Variants in VKORC1L1 observed in about 807,000 individuals in gnomAD.
VKORC1L1 encodes the protein vitamin K epoxide reductase complex subunit 1-like protein 1.
Under a neutral mutation model 18.9 loss-of-function variants are expected in VKORC1L1, and 2 were observed. The observed-to-expected ratio is 0.11, with a 90% CI of 0.04 to 0.33. The LOEUF is 0.33. Ranked by LOEUF, VKORC1L1 falls within the 10% of genes least tolerant of loss-of-function variation. VKORC1L1 has a pLI of 1.00. For synonymous variants in VKORC1L1, 96 were observed against 100.0 expected, an observed-to-expected ratio of 0.96 and a Z score of 0.24; for missense variants, 123 against 224.1, an observed-to-expected ratio of 0.55 and a Z score of 2.88.
At chr7:65,880,119 G>A (rs13246608) in intron 1 of VKORC1L1, among the ~76,000 whole-genome samples, 16,637 of 152,118 alleles carry the variant, frequency 0.11, 1,069 homozygotes, top group Middle Eastern at 0.2. Context: ...CTCCCAAAGT[G>A]CTGAGATTAC....
intron 1 of VKORC1L1, among the ~76,000 whole-genome samples, chr7:65,927,010 G>A (rs1310973572): frequency 6.6e-6 from 1 of 152,074 alleles, no homozygotes; most frequent in Non-Finnish European, 1.5e-5. Flanking sequence ...AGTGTGGCCA[G>A]GCATGGTGGC....
At chr7:65,938,756 A>G (rs1583861229) in intron 1 of VKORC1L1, among the ~76,000 whole-genome samples, 1 of 152,330 alleles carries the variant, frequency 6.6e-6, no homozygotes, top group South Asian at 2.1e-4. Flanking sequence ...TGTCTAAACC[A>G]GAGTCTCCTA....
intron 1 of VKORC1L1, among the ~76,000 whole-genome samples, chr7:65,883,430 G>A (rs1443323876): frequency 1.3e-5 from 2 of 151,824 alleles, no homozygotes; most frequent in Non-Finnish European, 2.9e-5. Flanking sequence ...GCAATTACAG[G>A]CATGAGCCAC....
At chr7:65,869,185 G>A (rs1388599888), upstream of VKORC1L1, among the ~76,000 whole-genome samples, 1 of 151,382 alleles carries the variant, frequency 6.6e-6, no homozygotes, top group Non-Finnish European at 1.5e-5. Flanking sequence ...CATGGTGGCA[G>A]GCACCTGTAG....
chr7:65,881,975 G>T (rs1163322236), intron 1 of VKORC1L1, among the ~76,000 whole-genome samples: 1 of 151,972 alleles, frequency 6.6e-6, no homozygotes, highest in Non-Finnish European at 1.5e-5. Context: ...AGCTACCTGG[G>T]AGGCTGAGGC....
chr7:65,947,321 A>G (rs1279728319), intron 1 of VKORC1L1, among the ~76,000 whole-genome samples: 1 of 151,988 alleles, frequency 6.6e-6, no homozygotes, highest in Admixed American at 6.6e-5. Context: ...GTGAAGAATT[A>G]CTTATTTATC....
At chr7:65,913,494 G>A (rs1288967754) in intron 1 of VKORC1L1, among the ~76,000 whole-genome samples, 1 of 152,010 alleles carries the variant, frequency 6.6e-6, no homozygotes, top group Non-Finnish European at 1.5e-5. Flanking sequence ...GGGAGGTCGA[G>A]GCAGGTGGAT....
rs35219358 is a variant in VKORC1L1, at chr7:65,916,115, T to TAA, written c.195-32539_195-32538dup. ...AGCAGACCGTGACTCTGTCTAAAAT[T>TAA]AAAAAAAAAAAAAAAAAAGAGGAAA... On this transcript the variant is annotated intron_variant, in intron 1 of 2. Coordinates refer to ENST00000360768, the MANE Select transcript of VKORC1L1 (RefSeq NM_173517.6). Among the ~76,000 whole-genome samples, 499 of 126,618 alleles carry TAA rather than the reference T, an allele frequency of 3.9e-3. 5 individuals are homozygous for TAA. The highest frequency in any genetic ancestry group is 0.014 in the African/African-American group (462 of 33,536). The allele number at this position is 126,618 out of a possible 152,430, so 83.1% of individuals were successfully genotyped here. A position where few individuals can be genotyped will look rare whatever the true frequency, so the allele number is the denominator to read the frequency against.
chr7:65,943,166 A>G (rs1397649198), intron 1 of VKORC1L1, among the ~76,000 whole-genome samples: 1 of 152,074 alleles, frequency 6.6e-6, no homozygotes. Context: ...TGGGAGGCTG[A>G]GGTGGGAGGA....
At chr7:65,915,093 CTTTT>C (rs35662337) in intron 1 of VKORC1L1, among the ~76,000 whole-genome samples, 1 of 123,574 alleles carries the variant, frequency 8.1e-6, no homozygotes, top group African/African-American at 2.9e-5. Context: ...TTTTTTTTTT[CTTTT>C]TTTTTTTTTT....
chr7:65,913,742 A>G (rs1175561192), intron 1 of VKORC1L1, among the ~76,000 whole-genome samples: 4 of 81,878 alleles, frequency 4.9e-5, no homozygotes, highest in African/African-American at 1.9e-4. Flanking sequence ...AAAAAAAAAA[A>G]GGGAGGGGGG....
At chr7:65,951,179 A>T (rs150910652) in intron 2 of VKORC1L1, among the ~76,000 whole-genome samples, 1 of 152,222 alleles carries the variant, frequency 6.6e-6, no homozygotes, top group Non-Finnish European at 1.5e-5. Context: ...GAACTAACCT[A>T]GCAATTTCCA....
chr7:65,891,919 A>G (rs755820162), intron 1 of VKORC1L1, among the ~76,000 whole-genome samples: 2 of 151,996 alleles, frequency 1.3e-5, no homozygotes, highest in African/African-American at 2.4e-5. Flanking sequence ...TTTTAACTGT[A>G]TTTTTGTGCC....
intron 1 of VKORC1L1, among the ~76,000 whole-genome samples, chr7:65,907,855 G>A (rs1178539152): frequency 6.7e-6 from 1 of 149,704 alleles, no homozygotes; most frequent in African/African-American, 2.4e-5. Flanking sequence ...AAGCAAGATA[G>A]GTTTTGTTTT....
At chr7:65,890,161 C>T (rs549582600) in intron 1 of VKORC1L1, among the ~76,000 whole-genome samples, 14 of 141,764 alleles carry the variant, frequency 9.9e-5, no homozygotes, top group African/African-American at 2.4e-4. Flanking sequence ...GACAGAGTCT[C>T]GCTCTGTTTC....
rs1011376916 is a variant in VKORC1L1 at position 65,954,495 on chromosome 7, G to T, written c.*195G>T. 1.0e-6 allele frequency: 1 copy of T among 972,802 alleles called. No homozygotes were observed. The highest frequency in any genetic ancestry group is 3.3e-5 in the Admixed American group (1 of 30,054). 60.3% of individuals were successfully genotyped at this position (972,802 alleles called of 1,614,324 possible). A position where few individuals can be genotyped will look rare whatever the true frequency, so the allele number is the denominator to read the frequency against. Reference sequence around the variant, plus strand: ...CTGTGTCAGTCTTCATTTTAAATATGGATACAAAAAGGATACGCCGAGCCA... The same window carrying T: ...CTGTGTCAGTCTTCATTTTAAATATTGATACAAAAAGGATACGCCGAGCCA... On this transcript the variant is annotated 3_prime_UTR_variant, in exon 3 of 3. Transcript: ENST00000360768.
intron 1 of VKORC1L1, among the ~76,000 whole-genome samples, chr7:65,916,684 C>T (rs960284132): frequency 1.3e-5 from 2 of 151,944 alleles, no homozygotes; most frequent in Non-Finnish European, 2.9e-5. Context: ...CTGCAACCTC[C>T]ACCTCCCAGG....
chr7:65,952,429 A>G (rs574819310), intron 2 of VKORC1L1, among the ~76,000 whole-genome samples: 9 of 152,346 alleles, frequency 5.9e-5, no homozygotes, highest in African/African-American at 2.2e-4. Flanking sequence ...AGTCCCTGCA[A>G]CAAGTAATTC....
intron 1 of VKORC1L1, among the ~76,000 whole-genome samples, chr7:65,943,804 A>G (rs1468005437): frequency 6.6e-6 from 1 of 152,146 alleles, no homozygotes; most frequent in Non-Finnish European, 1.5e-5. Flanking sequence ...TGAAAAATAA[A>G]TAAATAAAAA....
Sources: allele counts gnomAD v4.1 joint callset (sites outside exome capture counted in the v4.1 genomes callset), GRCh38; gene constraint gnomAD v4.1.1; transcripts MANE v1.5; gene names NCBI Gene and HGNC (gene_info 2026-07-23, HGNC 2026-07-21).